The following RBM20 variants were observed in gnomAD, a reference collection of about 807,000 sequenced individuals.
RBM20 encodes the protein RNA-binding protein 20.
RBM20 carries 51 observed loss-of-function variants against 110.1 expected under a neutral mutation model. The observed-to-expected ratio is 0.46, with a 90% CI of 0.37 to 0.59. The LOEUF (loss-of-function observed/expected upper bound fraction) is 0.59, where lower values mean the gene tolerates loss of function less well. RBM20 is among the 20% of genes least tolerant of loss of function. The probability of loss-of-function intolerance (pLI) is 0.00; values close to 1 mark genes in which losing one functional copy is unlikely to be tolerated. For missense variants in RBM20, 1,512 were observed against 1,574.9 expected, an observed-to-expected ratio of 0.96 and a Z score of 0.68; for synonymous variants, 589 against 618.2, an observed-to-expected ratio of 0.95 and a Z score of 0.70.
At chr10:110,703,730 A>G (rs1324837367) in intron 1 of RBM20, among the ~76,000 whole-genome samples, 1 of 152,236 alleles carries the variant, frequency 6.6e-6, no homozygotes, top group Admixed American at 6.5e-5. Context: ...TTTTACAACC[A>G]CATCCACCTC....
At chr10:110,742,382 A>G (rs189528126) in intron 1 of RBM20, among the ~76,000 whole-genome samples, 68 of 152,194 alleles carry the variant, frequency 4.5e-4, no homozygotes, top group African/African-American at 1.6e-3. Context: ...CTTTCCACAC[A>G]TGACTTAAGA....
At chr10:110,728,171 A>T (rs1256899500) in intron 1 of RBM20, among the ~76,000 whole-genome samples, 1 of 152,176 alleles carries the variant, frequency 6.6e-6, no homozygotes, top group Non-Finnish European at 1.5e-5. Flanking sequence ...ATACCCAGTA[A>T]TGGAATTGCT....
At chr10:110,705,087 T>G (rs11195276) in intron 1 of RBM20, among the ~76,000 whole-genome samples, 26,274 of 152,196 alleles carry the variant, frequency 0.17, 2,439 homozygotes, top group East Asian at 0.32. Flanking sequence ...GAACAAAAAG[T>G]TCGATTGTTG....
Position 110,799,954 on chromosome 10 carries a change from A to T in RBM20, c.1800+36A>T, listed in dbSNP as rs1464560315. The stretch of plus-strand genomic sequence containing the variant: ...ATCTTGCTCATTCAGTCATTCAACA[A>T]GCACCAGATGAGTTTCTCCTCCGTG... On this transcript the variant is annotated intron_variant, in intron 7 of 13. Transcript: ENST00000369519. The T allele has an allele frequency of 1.2e-5, 19 of 1,546,566 alleles. No individual in the cohort carries two copies. The Admixed American group carries it at 2.4e-4, about 19-fold the overall frequency.
At chr10:110,675,337 A>G (rs574568695) in intron 1 of RBM20, among the ~76,000 whole-genome samples, 6 of 152,324 alleles carry the variant, frequency 3.9e-5, no homozygotes, top group African/African-American at 1.4e-4. Flanking sequence ...AAAGTTAAGA[A>G]GCGAGGCTTA....
intron 5 of RBM20, among the ~76,000 whole-genome samples, chr10:110,794,752 A>G (rs1327030391): frequency 6.6e-6 from 1 of 152,256 alleles, no homozygotes; most frequent in East Asian, 1.9e-4. Context: ...ATGTCTTTTT[A>G]AAATTTGACT....
In RBM20 at chr10:110,674,117, A is replaced by G. The variant is rs146940172; in HGVS notation, c.191+29472A>G. On this transcript the variant is annotated intron_variant, in intron 1 of 13. Coordinates refer to ENST00000369519, the MANE Select transcript of RBM20 (RefSeq NM_001134363.3). ...TCTCTTTAAGGGTGCATTTTAGTTC[A>G]TTTGTGTGTCAGGTGGGTGGGAAGT... Among the ~76,000 whole-genome samples, 730 of 152,246 alleles carry G rather than the reference A, an allele frequency of 4.8e-3. 10 individuals carry two copies. Among genetic ancestry groups the G allele is most frequent in the African/African-American group, 0.017 (691 of 41,552 alleles).
intron 1 of RBM20, among the ~76,000 whole-genome samples, chr10:110,765,575 T>C (rs1442711522): frequency 6.6e-6 from 1 of 152,150 alleles, no homozygotes; most frequent in Non-Finnish European, 1.5e-5. Flanking sequence ...GGTACAAATT[T>C]GGACATGGAC....
At chr10:110,764,134 A>G (rs1844046897) in intron 1 of RBM20, among the ~76,000 whole-genome samples, 1 of 152,178 alleles carries the variant, frequency 6.6e-6, no homozygotes, top group African/African-American at 2.4e-5. Flanking sequence ...AAAATAAAGA[A>G]GGGCAAGTGT....
chr10:110,763,751 C>CTTTTTTTTTTT (rs56845100), intron 1 of RBM20, among the ~76,000 whole-genome samples: 3 of 64,384 alleles, frequency 4.7e-5, no homozygotes, highest in Non-Finnish European at 8.6e-5. Flanking sequence ...GGCTTCTTGG[C>CTTTTTTTTTTT]TTTTTTTTTT....
intron 1 of RBM20, among the ~76,000 whole-genome samples, chr10:110,714,173 G>T (rs1308131311): frequency 6.6e-6 from 1 of 152,146 alleles, no homozygotes; most frequent in Admixed American, 6.5e-5. Context: ...TTGGGATTAG[G>T]GAATGGTAGG....
At chr10:110,764,707 C>T (rs183798415) in intron 1 of RBM20, among the ~76,000 whole-genome samples, 15 of 152,268 alleles carry the variant, frequency 9.9e-5, no homozygotes, top group African/African-American at 2.9e-4. Context: ...ATGCAGAAAG[C>T]TGGTAGAATG....
intron 1 of RBM20, among the ~76,000 whole-genome samples, chr10:110,689,462 C>G (rs1313651707): frequency 2.6e-5 from 4 of 152,212 alleles, no homozygotes; most frequent in Non-Finnish European, 5.9e-5. Context: ...CATGGGCCAG[C>G]CTTCCCTTTC....
intron 1 of RBM20, among the ~76,000 whole-genome samples, chr10:110,715,541 G>A (rs1863002518): frequency 6.6e-6 from 1 of 152,180 alleles, no homozygotes; most frequent in East Asian, 1.9e-4. Flanking sequence ...TTTTTGTTAA[G>A]TCCTGATAGG....
At position 110,725,239 on chromosome 10, in the gene RBM20, T is replaced by G. The variant is rs192621502; in HGVS notation, c.192-55562T>G. ...TCCCTTTCAAAGGCTGATGAAAGCT[T>G]TGGACTTTCACCTCAGAAAAATTAC... On this transcript the variant is annotated intron_variant, in intron 1 of 13. Coordinates refer to ENST00000369519, the MANE Select transcript of RBM20 (RefSeq NM_001134363.3). Among the ~76,000 whole-genome samples, 437 of 152,308 alleles carry G rather than the reference T, an allele frequency of 2.9e-3. 6 individuals carry two copies. Among genetic ancestry groups the G allele is most frequent in the African/African-American group, 9.7e-3 (404 of 41,564 alleles).
chr10:110,814,164 A>G (rs1345160083), intron 9 of RBM20, among the ~76,000 whole-genome samples: 1 of 152,220 alleles, frequency 6.6e-6, no homozygotes, highest in Non-Finnish European at 1.5e-5. Context: ...CTCCATGAAC[A>G]CTGAAGAGTC....
intron 9 of RBM20, among the ~76,000 whole-genome samples, chr10:110,818,421 C>A (rs936747220): frequency 3.3e-5 from 5 of 152,092 alleles, no homozygotes; most frequent in South Asian, 2.1e-4. Flanking sequence ...AGTGGGAGAC[C>A]AGTTTCGAAG....
intron 13 of RBM20, among the ~76,000 whole-genome samples, chr10:110,832,180 A>G (rs1247088668): frequency 6.6e-6 from 1 of 152,190 alleles, no homozygotes; most frequent in Non-Finnish European, 1.5e-5. Flanking sequence ...CTAGGTTTTG[A>G]TAGCTTAACA....
In RBM20 at chr10:110,780,882, GGCTCAACTGCAGGCCCA is replaced by G; in HGVS notation, c.279_295del (p.Gln93HisfsTer69). On this transcript the variant is annotated frameshift_variant, in exon 2 of 14. Coordinates refer to ENST00000369519, the MANE Select transcript of RBM20 (RefSeq NM_001134363.3). LOFTEE classifies it high-confidence loss of function. ...TTCCTTCACCTGCCAGTCTCCAGCTGGCTCAACTGCAGGCCCAGCTCACCCTCCACCGGCTGAAGCTG... is the reference window on the plus strand; with the variant it reads ...TTCCTTCACCTGCCAGTCTCCAGCTGGCTCACCCTCCACCGGCTGAAGCTG... 6.4e-7 allele frequency: 1 copy of G among 1,550,888 alleles called. No homozygotes were observed. Among genetic ancestry groups the G allele is most frequent in the Non-Finnish European group, 8.7e-7 (1 of 1,146,212 alleles).
Sources: allele counts gnomAD v4.1 joint callset (sites outside exome capture counted in the v4.1 genomes callset), GRCh38; gene constraint gnomAD v4.1.1; transcripts MANE v1.5; gene names NCBI Gene and HGNC (gene_info 2026-07-23, HGNC 2026-07-21).